CLASP1: variants seen among roughly 807,000 people sequenced by gnomAD.
CLASP1 encodes the protein CLIP-associating protein 1.
In CLASP1, 38 loss-of-function variants were observed where a neutral mutation model predicts 192.3. The observed-to-expected ratio is 0.20, with a 90% CI of 0.15 to 0.26. The LOEUF (loss-of-function observed/expected upper bound fraction) is 0.26, where lower values mean the gene tolerates loss of function less well. Among genes scored for constraint, CLASP1 ranks in the 10% least tolerant of loss-of-function variants. The pLI is 1.00. For missense variants in CLASP1, 1,433 were observed against 1,932.5 expected (o/e 0.74, Z 4.85); for synonymous variants, 691 against 712.8 (o/e 0.97, Z 0.49).
intron 34 of CLASP1, among the ~76,000 whole-genome samples, chr2:121,372,736 A>G (rs993809781): frequency 1.3e-5 from 2 of 152,210 alleles, no homozygotes; most frequent in Non-Finnish European, 1.5e-5. Flanking sequence ...AAATATAAGT[A>G]TGACTATGCC....
intron 2 of CLASP1, among the ~76,000 whole-genome samples, chr2:121,546,342 T>C (rs139051917): frequency 6.6e-6 from 1 of 151,368 alleles, no homozygotes; most frequent in Non-Finnish European, 1.5e-5. Flanking sequence ...CCAAGATGGC[T>C]GACTAGAAGC....
At chr2:121,436,436 A>T in intron 19 of CLASP1, among the ~76,000 whole-genome samples, 1 of 148,958 alleles carries the variant, frequency 6.7e-6, no homozygotes. Flanking sequence ...TTTGAGACAG[A>T]GTCTCACTCT....
In CLASP1 at chr2:121,531,029, C is replaced by A. The variant is rs114408261; in HGVS notation, c.196-704G>T. On this transcript the variant is annotated intron_variant, in intron 2 of 39. Transcript: ENST00000263710. ...AAAAATGAAAACCTGTTTTCATAGA[C>A]TTATCAGTTCAAACAGCAGTAATTC... 3 of 700,076 alleles carry A rather than the reference C, an allele frequency of 4.3e-6. No individual in the cohort carries two copies. The African/African-American group carries it at 5.2e-5, about 12-fold the overall frequency. The allele number at this position is 700,076 out of a possible 1,614,324, so 43.4% of individuals were successfully genotyped here. A position where few individuals can be genotyped will look rare whatever the true frequency, so the allele number is the denominator to read the frequency against.
rs1573934448 is a variant in CLASP1, at chr2:121,370,806, GC to G, written c.3643-2976del. The stretch of plus-strand genomic sequence containing the variant: ...CCTAGGTGACACTGAGGCTTCCCAG[GC>G]CTTGCCCTCTTTATTTTCTCCCTCC... On this transcript the variant is annotated intron_variant, in intron 34 of 39. Transcript: ENST00000263710. 2.6e-5 allele frequency among the ~76,000 whole-genome samples: 4 copies of G among 152,228 alleles called. No homozygotes were observed. The East Asian group carries it at 7.7e-4, about 29-fold the overall frequency.
At chr2:121,636,415 A>C (rs994885724) in intron 1 of CLASP1, among the ~76,000 whole-genome samples, 7 of 150,322 alleles carry the variant, frequency 4.7e-5, no homozygotes, top group African/African-American at 1.7e-4. Flanking sequence ...TGTAATCCCA[A>C]CACTTTGGGA....
chr2:121,553,987 G>C (rs997112117), intron 2 of CLASP1, among the ~76,000 whole-genome samples: 4 of 151,946 alleles, frequency 2.6e-5, no homozygotes, highest in Non-Finnish European at 5.9e-5. Flanking sequence ...GCCAAGATGG[G>C]AGAGCTGCTT....
At position 121,410,900 on chromosome 2, in the gene CLASP1, C is replaced by T. The variant is rs1160882025; in HGVS notation, c.2390G>A (p.Ser797Asn). Residue 797 changes from serine to asparagine, a missense_variant, in exon 24 of 40, where the codon AGT becomes AAT. Around this residue, in one of 8 missense-constraint regions of CLASP1, gnomAD observed 445 missense variants for 535.5 expected, o/e 0.83. Coordinates refer to ENST00000263710, the Ensembl canonical transcript of CLASP1. ...AGCAACAGCAGCTTCAAGATCTGTA[C>T]TTGTGCTCAGAACTCTCATGGCATT... 7 of 1,612,530 alleles carry T rather than the reference C, an allele frequency of 4.3e-6. No homozygotes were observed. In the Middle Eastern group the frequency reaches 4.9e-4, roughly 114 times the overall value.
chr2:121,599,405 T>C (rs1236712346), intron 2 of CLASP1, among the ~76,000 whole-genome samples: 1 of 146,140 alleles, frequency 6.8e-6, no homozygotes, highest in Non-Finnish European at 1.5e-5. Context: ...CTGGCCAATA[T>C]GGTAAAACCC....
At chr2:121,438,134 A>T (rs1206109245) in intron 19 of CLASP1, among the ~76,000 whole-genome samples, 1 of 152,204 alleles carries the variant, frequency 6.6e-6, no homozygotes, top group Non-Finnish European at 1.5e-5. Flanking sequence ...TTCCATCTGC[A>T]TGAACCCCGA....
At chr2:121,353,161 C>T (rs1049842938) in intron 37 of CLASP1, among the ~76,000 whole-genome samples, 3 of 152,160 alleles carry the variant, frequency 2.0e-5, no homozygotes, top group Admixed American at 6.5e-5. Context: ...GAAACCCCAT[C>T]TCAAACAAAA....
At chr2:121,471,320 A>G (rs949999402) in intron 8 of CLASP1, among the ~76,000 whole-genome samples, 1 of 152,166 alleles carries the variant, frequency 6.6e-6, no homozygotes. Context: ...AAAAATCAAC[A>G]TATTTATGCA....
At chr2:121,430,851 C>A (rs1406960666) in intron 19 of CLASP1, among the ~76,000 whole-genome samples, 1 of 151,890 alleles carries the variant, frequency 6.6e-6, no homozygotes, top group Non-Finnish European at 1.5e-5. Context: ...CAAAGATAAT[C>A]CAATGCTGTA....
intron 2 of CLASP1, among the ~76,000 whole-genome samples, chr2:121,579,665 A>C (rs2060921252): frequency 6.6e-6 from 1 of 152,218 alleles, no homozygotes; most frequent in South Asian, 2.1e-4. Context: ...TTATGCATTG[A>C]GGAAGATAAA....
intron 37 of CLASP1, 38 bp downstream of exon 38, chr2:121,363,134 C>T: frequency 6.2e-7 from 1 of 1,611,120 alleles, no homozygotes; most frequent in South Asian, 1.1e-5. Context: ...TCCTCATGAC[C>T]CGTCTGTTCA....
At chr2:121,490,172 C>A in intron 8 of CLASP1, 1 of 362,710 alleles carries the variant, frequency 2.8e-6, no homozygotes, top group South Asian at 2.1e-5. Flanking sequence ...ATGTTTCATC[C>A]ATGATTTTTA....
rs1339722202 is a variant in CLASP1, at chr2:121,530,881, A to C, written c.196-556T>G. The C allele has an allele frequency of 3.5e-5, 24 of 692,068 alleles. No individual in the cohort carries two copies. The highest frequency in any genetic ancestry group is 4.5e-5 in the Non-Finnish European group (17 of 378,502). 42.9% of individuals were successfully genotyped at this position (692,068 alleles called of 1,614,324 possible). A position where few individuals can be genotyped will look rare whatever the true frequency, so the allele number is the denominator to read the frequency against. On this transcript the variant is annotated intron_variant, in intron 2 of 39. Coordinates refer to ENST00000263710, the Ensembl canonical transcript of CLASP1. ...TGCAGCCCAGGGACTTTCTATTATA[A>C]CCATCCTTTTCTTGGGGTTGCGCTA...
intron 39 of CLASP1, among the ~76,000 whole-genome samples, chr2:121,344,126 G>A (rs138681580): frequency 0.02 from 2,967 of 152,050 alleles, 40 homozygotes; most frequent in Middle Eastern, 0.055. Flanking sequence ...AAGACTGGAG[G>A]GGGGGAAAAA....
Position 121,530,841 on chromosome 2 carries a change from T to C in CLASP1, c.196-516A>G, listed in dbSNP as rs180865344. ...TTAATTACCACAACCCTACCAGGTA[T>C]TGGCGCTTCCTGCTTGCAGCCCAGG... On this transcript the variant is annotated intron_variant, in intron 2 of 39. Coordinates refer to ENST00000263710, the Ensembl canonical transcript of CLASP1. The C allele has an allele frequency of 1.2e-5, 8 of 666,874 alleles. No homozygotes were observed. In the African/African-American group the frequency reaches 1.2e-4, roughly 10 times the overall value. The allele number at this position is 666,874 out of a possible 1,614,324, so 41.3% of individuals were successfully genotyped here. A position where few individuals can be genotyped will look rare whatever the true frequency, so the allele number is the denominator to read the frequency against.
exon 2 of CLASP1, chr2:121,606,063 GA>G (rs2064377365): frequency 3.3e-6 from 2 of 604,894 alleles, no homozygotes; most frequent in Non-Finnish European, 5.8e-6. Flanking sequence ...TGTGTCTGAA[GA>G]GCAGCTGGTA....
Sources: allele counts gnomAD v4.1 joint callset (sites outside exome capture counted in the v4.1 genomes callset), GRCh38; gene constraint gnomAD v4.1.1; regional missense constraint gnomAD v4.1.1; transcripts MANE v1.5; gene names NCBI Gene and HGNC (gene_info 2026-07-23, HGNC 2026-07-21).